The following GRAMD1C variants were observed in gnomAD, a reference collection of about 807,000 sequenced individuals.
GRAMD1C encodes the protein protein Aster-C.
GRAMD1C carries 89 observed loss-of-function variants against 97.8 expected under a neutral mutation model. The ratio of observed to expected loss-of-function variants is 0.91; its 90% CI spans 0.77 to 1.09. The LOEUF (loss-of-function observed/expected upper bound fraction) is 1.09, where lower values mean the gene tolerates loss of function less well. Among genes scored for constraint, GRAMD1C ranks in the 50% least tolerant of loss-of-function variants. The probability of loss-of-function intolerance (pLI) is 0.00; values close to 1 mark genes in which losing one functional copy is unlikely to be tolerated. For missense variants in GRAMD1C, 740 were observed against 766.4 expected (o/e 0.97, Z 0.41); for synonymous variants, 256 against 267.0 (o/e 0.96, Z 0.40).
intron 7 of GRAMD1C, among the ~76,000 whole-genome samples, chr3:113,903,387 G>A (rs1445097268): frequency 1.3e-5 from 2 of 151,846 alleles, no homozygotes; most frequent in South Asian, 2.1e-4. Context: ...TTATTTCCTC[G>A]GTTCTTCCAT....
intron 9 of GRAMD1C, chr3:113,912,997 G>A (rs1401655068): frequency 2.3e-6 from 1 of 434,722 alleles, no homozygotes; most frequent in Non-Finnish European, 4.1e-6. Flanking sequence ...TGAAGTCAAT[G>A]TAGTGGGAGA....
At chr3:113,943,689 A>C (rs1273608408) in intron 17 of GRAMD1C, among the ~76,000 whole-genome samples, 2 of 152,170 alleles carry the variant, frequency 1.3e-5, no homozygotes, top group African/African-American at 4.8e-5. Context: ...CAAGGCAGGC[A>C]GATTGCCTGA....
chr3:113,844,725 T>C, intron 2 of GRAMD1C, 76 bp downstream of exon 2: 1 of 1,018,572 alleles, frequency 9.8e-7, no homozygotes, highest in Non-Finnish European at 1.4e-6. Context: ...TCATATAGTA[T>C]TTGTAAAATT....
chr3:113,884,931 C>T (rs569823380), intron 6 of GRAMD1C, among the ~76,000 whole-genome samples: 1 of 139,622 alleles, frequency 7.2e-6, no homozygotes, highest in African/African-American at 2.7e-5. Context: ...TCCCTTCCTC[C>T]CTTTTCCCTA....
chr3:113,918,074 A>C (rs1015909329), intron 10 of GRAMD1C, among the ~76,000 whole-genome samples: 1 of 152,050 alleles, frequency 6.6e-6, no homozygotes, highest in African/African-American at 2.4e-5. Context: ...TTTTGTTCTT[A>C]TTATTGATGA....
chr3:113,893,303 CCA>C (rs1935807001), intron 6 of GRAMD1C, among the ~76,000 whole-genome samples: 1 of 151,962 alleles, frequency 6.6e-6, no homozygotes, highest in South Asian at 2.1e-4. Context: ...TCTGTAGGGA[CCA>C]CATAATCAAG....
In GRAMD1C at chr3:113,861,035, G is replaced by T. The variant is rs80195034; in HGVS notation, c.175-8472G>T. 5.7e-3 allele frequency among the ~76,000 whole-genome samples: 859 copies of T among 150,690 alleles called. 13 individuals are homozygous for T. Among genetic ancestry groups the T allele is most frequent in the African/African-American group, 0.02 (802 of 41,068 alleles). ...TTAAGGGAGTAGAATTGAGAGTTCA[G>T]AAATAAACCCTTAAGTTTATGATAA... On this transcript the variant is annotated intron_variant, in intron 2 of 17. Transcript: ENST00000358160.
chr3:113,913,305 A>G (rs1417508694), intron 9 of GRAMD1C: 8 of 335,558 alleles, frequency 2.4e-5, no homozygotes, highest in Non-Finnish European at 5.8e-6. Flanking sequence ...CAGGTGGGTC[A>G]ACTGAGGTCA....
At chr3:113,922,135 G>A (rs1010730273) in intron 10 of GRAMD1C, among the ~76,000 whole-genome samples, 1 of 151,750 alleles carries the variant, frequency 6.6e-6, no homozygotes, top group Non-Finnish European at 1.5e-5. Flanking sequence ...GTACAGTGGC[G>A]CAAACAGCTT....
Position 113,862,718 on chromosome 3 carries a change from A to G in GRAMD1C, c.175-6789A>G, listed in dbSNP as rs193187758. On this transcript the variant is annotated intron_variant, in intron 2 of 17. Transcript: ENST00000358160. ...TGGGGAAGTGATAAGTATCCATGAAATCTTCACAATTTATGTTCAGAGATT... is the reference window on the plus strand; with the variant it reads ...TGGGGAAGTGATAAGTATCCATGAAGTCTTCACAATTTATGTTCAGAGATT... 2.1e-3 allele frequency among the ~76,000 whole-genome samples: 321 copies of G among 152,352 alleles called. 2 individuals carry two copies. Among genetic ancestry groups the G allele is most frequent in the African/African-American group, 7.0e-3 (292 of 41,586 alleles).
chr3:113,858,021 C>A (rs1379952609), intron 2 of GRAMD1C, among the ~76,000 whole-genome samples: 1 of 152,012 alleles, frequency 6.6e-6, no homozygotes, highest in Non-Finnish European at 1.5e-5. Flanking sequence ...CAATGAATTG[C>A]GAAGTGCTCC....
intron 14 of GRAMD1C, 34 bp from the exon 15 acceptor site, chr3:113,938,052 C>T: frequency 9.0e-7 from 1 of 1,115,906 alleles, no homozygotes; most frequent in Middle Eastern, 2.0e-4. Flanking sequence ...TCACAATTCT[C>T]ATTCTAATGC....
chr3:113,849,340 A>G (rs1933758104), intron 2 of GRAMD1C, among the ~76,000 whole-genome samples: 1 of 149,010 alleles, frequency 6.7e-6, no homozygotes, highest in Non-Finnish European at 1.5e-5. Context: ...TGTTTCTCGC[A>G]GAGGGGGATT....
intron 2 of GRAMD1C, among the ~76,000 whole-genome samples, chr3:113,853,642 C>G (rs564135091): frequency 1.2e-4 from 19 of 152,170 alleles, no homozygotes; most frequent in Non-Finnish European, 2.6e-4. Flanking sequence ...CGAGAATGTT[C>G]TAAGTGAACA....
chr3:113,928,664 T>G (rs969789966), intron 10 of GRAMD1C, among the ~76,000 whole-genome samples: 5 of 152,224 alleles, frequency 3.3e-5, no homozygotes, highest in Admixed American at 2.0e-4. Flanking sequence ...CACCATTCTA[T>G]TTTCTGTCTA....
At chr3:113,845,980 A>T (rs1438834619) in intron 2 of GRAMD1C, among the ~76,000 whole-genome samples, 1 of 152,226 alleles carries the variant, frequency 6.6e-6, no homozygotes, top group African/African-American at 2.4e-5. Context: ...GAAAATATTT[A>T]ATTGCTAAGA....
At chr3:113,839,216 GC>G (rs1709711741) in intron 1 of GRAMD1C, among the ~76,000 whole-genome samples, 1 of 152,104 alleles carries the variant, frequency 6.6e-6, no homozygotes, top group African/African-American at 2.4e-5. Flanking sequence ...TCAGCCCCAG[GC>G]CCCCTTGGGT....
chr3:113,856,546 T>TG (rs71297436), intron 2 of GRAMD1C, among the ~76,000 whole-genome samples: 93 of 151,884 alleles, frequency 6.1e-4, no homozygotes, highest in East Asian at 1.7e-3. Flanking sequence ...TATGTATGTA[T>TG]TTATTTATTT....
chr3:113,942,275 A>C (rs748108039), intron 17 of GRAMD1C, among the ~76,000 whole-genome samples: 9 of 151,430 alleles, frequency 5.9e-5, no homozygotes, highest in Non-Finnish European at 1.3e-4. Context: ...TATTACTGAT[A>C]GTTAACATTT....
Sources: gnomAD v4.1 joint callset for allele counts (sites outside exome capture counted in the v4.1 genomes callset) on GRCh38, gnomAD v4.1.1 for gene constraint, MANE v1.5 for transcripts, NCBI Gene and HGNC (gene_info 2026-07-23, HGNC 2026-07-21) for gene names.